The following ARSG variants were observed in gnomAD, a reference collection of about 807,000 sequenced individuals.
The protein encoded by ARSG is arylsulfatase G, also known as ASG.
Under a neutral mutation model 50.5 loss-of-function variants are expected in ARSG, and 37 were observed. That is an observed-to-expected ratio of 0.73 (90% CI 0.56 to 0.96). The LOEUF (loss-of-function observed/expected upper bound fraction) is 0.96. Ranked by LOEUF, ARSG falls within the 50% of genes least tolerant of loss-of-function variation. The pLI is 0.00. For missense variants in ARSG, 629 were observed against 675.3 expected (o/e 0.93, Z 0.76); for synonymous variants, 225 against 254.6 (o/e 0.88, Z 1.11).
At chr17:68,260,318 A>G (rs1246051661) in intron 1 of ARSG, among the ~76,000 whole-genome samples, 1 of 152,194 alleles carries the variant, frequency 6.6e-6, no homozygotes, top group African/African-American at 2.4e-5. Flanking sequence ...TCATTGAAGT[A>G]AAATATCACC....
intron 6 of ARSG, among the ~76,000 whole-genome samples, chr17:68,358,211 T>A (rs992024407): frequency 2.7e-5 from 4 of 148,394 alleles, no homozygotes; most frequent in Non-Finnish European, 4.5e-5. Flanking sequence ...TCAAAAAAAA[T>A]ATAAAATGAA....
chr17:68,264,684 G>A (rs545949825), intron 1 of ARSG, among the ~76,000 whole-genome samples: 3 of 151,902 alleles, frequency 2.0e-5, no homozygotes, highest in Admixed American at 6.6e-5. Context: ...TGATCCACCC[G>A]CCTTGGCCTC....
intron 2 of ARSG, among the ~76,000 whole-genome samples, chr17:68,313,683 C>CTTTTTT (rs58911609): frequency 7.8e-6 from 1 of 128,228 alleles, no homozygotes; most frequent in South Asian, 2.5e-4. Flanking sequence ...CTCTCTCTCT[C>CTTTTTT]TTTTTTTTTT....
At chr17:68,324,375 C>T (rs1220371808) in intron 2 of ARSG, among the ~76,000 whole-genome samples, 1 of 152,148 alleles carries the variant, frequency 6.6e-6, no homozygotes, top group Admixed American at 6.5e-5. Flanking sequence ...GGGGCTGGCA[C>T]CACCAAGCAT....
At chr17:68,443,956 C>A in the ARSG span, among the ~76,000 whole-genome samples, 1 of 152,138 alleles carries the variant, frequency 6.6e-6, no homozygotes, top group Non-Finnish European at 1.5e-5. Context: ...TTCTTATACA[C>A]CAGGAATGTA....
chr17:68,420,888 G>A (rs756531015), downstream of ARSG: 11 of 180,066 alleles, frequency 6.1e-5, no homozygotes, highest in Non-Finnish European at 1.2e-5. Context: ...TGGTCATTTT[G>A]GTGTAAATCC....
At chr17:68,444,448 A>G in the ARSG span, 3 of 1,551,246 alleles carry the variant, frequency 1.9e-6, no homozygotes, top group Middle Eastern at 1.7e-4. Flanking sequence ...AAGAAGCACC[A>G]GGACATGAAA....
intron 1 of ARSG, among the ~76,000 whole-genome samples, chr17:68,283,637 A>C (rs527292878): frequency 6.6e-6 from 1 of 152,076 alleles, no homozygotes; most frequent in African/African-American, 2.4e-5. Context: ...CCTGACCAAC[A>C]TGGAGAAACG....
intron 1 of ARSG, among the ~76,000 whole-genome samples, 182 bp downstream of exon 1, chr17:68,291,750 G>C (rs1418157926): frequency 3.3e-5 from 5 of 151,650 alleles, no homozygotes; most frequent in African/African-American, 1.2e-4. Context: ...CCTGCATCCT[G>C]TCTCGGAGCA....
chr17:68,361,741 A>G (rs2079298399), intron 6 of ARSG, among the ~76,000 whole-genome samples: 1 of 151,866 alleles, frequency 6.6e-6, no homozygotes, highest in Admixed American at 6.6e-5. Flanking sequence ...ACATGGTGAA[A>G]CCCCATCTCT....
rs1195945031 is a variant in ARSG, at chr17:68,286,060, AAT to A, written c.-551-20882_-551-20881del. Among the ~76,000 whole-genome samples, 4 of 152,128 alleles carry A rather than the reference AAT, an allele frequency of 2.6e-5. No homozygotes were observed. In the East Asian group the frequency reaches 7.7e-4, roughly 29 times the overall value. ...AGATGTGAGCCACCGCGCCTGGCAT[AAT>A]TTTTATTTTTTGTAGAGACAGGGTC... On this transcript the variant is annotated intron_variant, in intron 1 of 11. Transcript: ENST00000448504.
At chr17:68,429,981 T>G in the ARSG span, 3 of 1,613,890 alleles carry the variant, frequency 1.9e-6, no homozygotes, top group Non-Finnish European at 2.5e-6. Flanking sequence ...TCAGAGTGGG[T>G]GTCATTGTAC....
chr17:68,408,680 G>A (rs1424007067), intron 11 of ARSG, among the ~76,000 whole-genome samples: 16 of 152,120 alleles, frequency 1.1e-4, no homozygotes, highest in Non-Finnish European at 5.9e-5. Flanking sequence ...TCTAGTTCTA[G>A]ATCCCTGAGG....
In ARSG at chr17:68,418,491, G is replaced by A. The variant is rs576375195; in HGVS notation, c.1304-1698G>A. On this transcript the variant is annotated intron_variant, in intron 11 of 11. Transcript: ENST00000621439. ...TGATCAACTTGACTCTCAGCCACAG[G>A]TGGAAAACCAGTAATAAAAAAGGGT... Among the ~76,000 whole-genome samples, 4 of 152,264 alleles carry A rather than the reference G, an allele frequency of 2.6e-5. No individual in the cohort carries two copies. The South Asian group carries it at 8.3e-4, about 32-fold the overall frequency.
intron 4 of ARSG, among the ~76,000 whole-genome samples, chr17:68,347,966 C>A (rs2078588627): frequency 6.6e-6 from 1 of 152,204 alleles, no homozygotes; most frequent in African/African-American, 2.4e-5. Flanking sequence ...TGTCCTAGAC[C>A]TGGCGGAAGG....
chr17:68,433,717 C>T, the ARSG span: 6 of 279,072 alleles, frequency 2.1e-5, no homozygotes, highest in Admixed American at 1.4e-4. Flanking sequence ...CTGTGGTGCT[C>T]ATATTTAGAA....
downstream of ARSG, among the ~76,000 whole-genome samples, chr17:68,423,570 C>T (rs114126955): frequency 0.017 from 2,567 of 152,254 alleles, 80 homozygotes; most frequent in African/African-American, 0.059. This position sits in a 1 kb window ranked among gnomAD's most constrained non-coding sequence, Gnocchi z 4.4. Context: ...GTATTTCTTG[C>T]GTATAAATAA....
At chr17:68,406,023 C>T (rs896874539) in intron 11 of ARSG, among the ~76,000 whole-genome samples, 5 of 152,164 alleles carry the variant, frequency 3.3e-5, no homozygotes, top group African/African-American at 1.2e-4. Context: ...TATTTGTAGT[C>T]TTTCATCCCT....
rs200912330 is a variant in ARSG at position 68,352,142 on chromosome 17, G to GGAGA, written c.566+473_566+476dup. ...GAGGAGAGAGAGAGAGAGAGACAGA[G>GGAGA]GAGAGAGAGAGAGAGAGAGACAGAG... On this transcript the variant is annotated intron_variant, in intron 5 of 11. Coordinates refer to ENST00000621439, the MANE Select transcript of ARSG (RefSeq NM_001267727.2). Among the ~76,000 whole-genome samples the GGAGA allele has an allele frequency of 5.8e-3, 487 of 83,994 alleles. 24 individuals carry two copies. The highest frequency in any genetic ancestry group is 0.02 in the African/African-American group (437 of 21,702). 55.1% of individuals were successfully genotyped at this position (83,994 alleles called of 152,430 possible).
Sources: gnomAD v4.1 joint callset for allele counts (sites outside exome capture counted in the v4.1 genomes callset) on GRCh38, gnomAD v4.1.1 for gene constraint, Gnocchi (gnomAD v3.1) non-coding constraint, MANE v1.5 for transcripts, NCBI Gene and HGNC (gene_info 2026-07-23, HGNC 2026-07-21) for gene names.